DGLUCY: variants seen among roughly 807,000 people sequenced by gnomAD.
DGLUCY encodes the protein D-glutamate cyclase, mitochondrial.
A neutral mutation model predicts 58.5 loss-of-function variants in DGLUCY; 58 were observed. The ratio of observed to expected loss-of-function variants is 0.99; its 90% CI spans 0.80 to 1.23. The LOEUF is 1.23. DGLUCY is among the 50% of genes most tolerant of loss of function. DGLUCY has a pLI of 0.00. For synonymous variants in DGLUCY, 325 were observed against 314.1 expected (o/e 1.03, Z -0.37); for missense variants, 779 against 784.7 (o/e 0.99, Z 0.09).
At chr14:91,158,415 T>C (rs2047785048) in intron 2 of DGLUCY, among the ~76,000 whole-genome samples, 1 of 152,252 alleles carries the variant, frequency 6.6e-6, no homozygotes, top group Admixed American at 6.5e-5. Context: ...CTGTTGGCTC[T>C]AAGTACATCT....
intron 1 of DGLUCY, among the ~76,000 whole-genome samples, chr14:91,066,025 G>A (rs184013470): frequency 5.0e-4 from 76 of 152,334 alleles, no homozygotes; most frequent in Admixed American, 8.5e-4. Context: ...TCAGATTTCT[G>A]CTATGGCCAG....
At chr14:91,093,856 A>G (rs2044351065) in intron 1 of DGLUCY, among the ~76,000 whole-genome samples, 1 of 152,036 alleles carries the variant, frequency 6.6e-6, no homozygotes, top group South Asian at 2.1e-4. Context: ...AGCCAGTCAC[A>G]AAAGGTCACA....
At position 91,085,410 on chromosome 14, in the gene DGLUCY, A is replaced by G. The variant is rs140051350; in HGVS notation, c.-82+24706A>G. Among the ~76,000 whole-genome samples the G allele has an allele frequency of 9.4e-3, 1,416 of 151,356 alleles. 16 individuals carry two copies. The highest frequency in any genetic ancestry group is 0.045 in the Middle Eastern group (13 of 292). The stretch of plus-strand genomic sequence containing the variant: ...CTGTGCCACGTTCTCCATACCCCCC[A>G]CATCTTTTTCCCCTCCCCTAGGTCC... On this transcript the variant is annotated intron_variant, in intron 1 of 4. Transcript: ENST00000521334.
chr14:91,190,580 G>A (rs1223746958), intron 9 of DGLUCY, among the ~76,000 whole-genome samples: 1 of 152,108 alleles, frequency 6.6e-6, no homozygotes, highest in African/African-American at 2.4e-5. Context: ...GAGGGCGTGA[G>A]GCTTGGGCTG....
chr14:91,172,810 C>T (rs542844504), intron 5 of DGLUCY, among the ~76,000 whole-genome samples: 21 of 152,160 alleles, frequency 1.4e-4, no homozygotes, highest in Middle Eastern at 3.4e-3. Context: ...CCATGCCCGG[C>T]GAACTTTTGT....
At chr14:91,189,612 G>A (rs111817364) in intron 9 of DGLUCY, among the ~76,000 whole-genome samples, 1,795 of 152,292 alleles carry the variant, frequency 0.012, 43 homozygotes, top group African/African-American at 0.042. Flanking sequence ...CGTTATTGCT[G>A]TAGGTGTTGG....
chr14:91,079,072 T>G (rs948368930), intron 1 of DGLUCY, among the ~76,000 whole-genome samples: 1 of 151,470 alleles, frequency 6.6e-6, no homozygotes, highest in East Asian at 1.9e-4. Context: ...CCTGGCTCAT[T>G]TTTGTATTTT....
intron 1 of DGLUCY, among the ~76,000 whole-genome samples, chr14:91,072,742 C>A (rs2043944168): frequency 6.6e-6 from 1 of 151,982 alleles, no homozygotes; most frequent in African/African-American, 2.4e-5. Flanking sequence ...ACAGTCATTG[C>A]CAGGTGCGGT....
intron 1 of DGLUCY, among the ~76,000 whole-genome samples, chr14:91,090,869 A>G (rs529659198): frequency 4.7e-4 from 71 of 152,310 alleles, no homozygotes; most frequent in African/African-American, 1.7e-3. Flanking sequence ...AGCATCCTAC[A>G]GCTCAGAGGC....
At chr14:91,175,417 A>G (rs889466613) in intron 6 of DGLUCY, among the ~76,000 whole-genome samples, 1 of 152,196 alleles carries the variant, frequency 6.6e-6, no homozygotes, top group African/African-American at 2.4e-5. Flanking sequence ...AAATGCAGTC[A>G]GTACTTGCTA....
chr14:91,112,916 G>A (rs565427636), upstream of DGLUCY, among the ~76,000 whole-genome samples: 4 of 149,904 alleles, frequency 2.7e-5, no homozygotes, highest in Non-Finnish European at 5.9e-5. Context: ...GGAGAATGGC[G>A]TGAACCCAGG....
chr14:91,122,978 G>A (rs1277847240), intron 1 of DGLUCY, among the ~76,000 whole-genome samples: 2 of 152,060 alleles, frequency 1.3e-5, no homozygotes, highest in Non-Finnish European at 2.9e-5. Flanking sequence ...CACTACTCTG[G>A]GTTTGTGGGC....
intron 4 of DGLUCY, among the ~76,000 whole-genome samples, chr14:91,169,398 C>T (rs1215813203): frequency 6.8e-6 from 1 of 146,760 alleles, no homozygotes; most frequent in African/African-American, 2.5e-5. Context: ...ATTTACTTTT[C>T]TTCTTCTTCT....
At chr14:91,063,937 T>G (rs1258492379) in intron 1 of DGLUCY, among the ~76,000 whole-genome samples, 1 of 151,900 alleles carries the variant, frequency 6.6e-6, no homozygotes, top group Non-Finnish European at 1.5e-5. Flanking sequence ...AGGAGACCAG[T>G]TAGGAGGCTA....
rs34785372 is a variant in DGLUCY at position 91,160,417 on chromosome 14, T to TAAAAAAA, written c.103+38_103+44dup. The TAAAAAAA allele has an allele frequency of 2.2e-5, 13 of 579,458 alleles. No individual in the cohort carries two copies. The highest frequency in any genetic ancestry group is 1.2e-4 in the South Asian group (5 of 40,600). The allele number at this position is 579,458 out of a possible 1,614,324, so 35.9% of individuals were successfully genotyped here. A position where few individuals can be genotyped will look rare whatever the true frequency, so the allele number is the denominator to read the frequency against. ...CTGGAGGTAAGTGGTGCCAGATAGTTAAAAAAAAAAAAAAAAAAAAAAAAG... is the reference window on the plus strand; with the variant it reads ...CTGGAGGTAAGTGGTGCCAGATAGTTAAAAAAAAAAAAAAAAAAAAAAAAAAAAAAAG... On this transcript the variant is annotated intron_variant, in intron 3 of 13. Transcript: ENST00000256324.
chr14:91,217,729 C>A (rs1190965931), intron 13 of DGLUCY, among the ~76,000 whole-genome samples: 1 of 152,088 alleles, frequency 6.6e-6, no homozygotes, highest in Non-Finnish European at 1.5e-5. Flanking sequence ...CTCAGGTGAT[C>A]CACCTGCCTC....
intron 1 of DGLUCY, among the ~76,000 whole-genome samples, chr14:91,081,014 C>T (rs1438577107): frequency 2.0e-5 from 3 of 152,076 alleles, no homozygotes; most frequent in Non-Finnish European, 4.4e-5. Context: ...ACCACCTGGC[C>T]AACGTGACGA....
At chr14:91,121,103 G>C (rs2045331946) in intron 1 of DGLUCY, among the ~76,000 whole-genome samples, 2 of 152,154 alleles carry the variant, frequency 1.3e-5, no homozygotes, top group African/African-American at 4.8e-5. Flanking sequence ...GACTTCTTCA[G>C]CCTTTCTCCT....
intron 13 of DGLUCY, among the ~76,000 whole-genome samples, chr14:91,222,516 T>C (rs549778254): frequency 3.9e-5 from 6 of 152,328 alleles, no homozygotes; most frequent in African/African-American, 1.4e-4. Context: ...GAAGGAGCTG[T>C]TGGACAAAGG....
Sources: allele counts gnomAD v4.1 joint callset (sites outside exome capture counted in the v4.1 genomes callset), GRCh38; gene constraint gnomAD v4.1.1; transcripts MANE v1.5; gene names NCBI Gene and HGNC (gene_info 2026-07-23, HGNC 2026-07-21).